Variants in ZBTB20 observed in about 807,000 individuals in gnomAD.
The protein encoded by ZBTB20 is zinc finger and BTB domain containing 20.
ZBTB20 carries 9 observed loss-of-function variants against 56.9 expected under a neutral mutation model. That is an observed-to-expected ratio of 0.16 (90% CI 0.10 to 0.28). ZBTB20 has a LOEUF of 0.28. Ranked by LOEUF, ZBTB20 falls within the 10% of genes least tolerant of loss-of-function variation. The pLI, the probability that ZBTB20 is intolerant of heterozygous loss-of-function variation, is 1.00. For synonymous variants in ZBTB20, 417 were observed against 420.7 expected, an observed-to-expected ratio of 0.99 and a Z score of 0.11; for missense variants, 655 against 1,003.0, an observed-to-expected ratio of 0.65 and a Z score of 4.69.
intron 4 of ZBTB20, among the ~76,000 whole-genome samples, chr3:114,894,033 C>A (rs118169838): frequency 6.6e-6 from 1 of 152,272 alleles, no homozygotes; most frequent in Non-Finnish European, 1.5e-5. Flanking sequence ...CTAATGACAA[C>A]AACAACAACA....
At chr3:114,614,786 C>T (rs1213366863) in intron 6 of ZBTB20, among the ~76,000 whole-genome samples, 2 of 152,060 alleles carry the variant, frequency 1.3e-5, no homozygotes, top group African/African-American at 2.4e-5. Context: ...GAGTCTTGCT[C>T]GGTCGCCCAG....
intron 5 of ZBTB20, among the ~76,000 whole-genome samples, chr3:114,763,511 A>G (rs1262833381): frequency 6.6e-6 from 1 of 152,200 alleles, no homozygotes; most frequent in Non-Finnish European, 1.5e-5. Context: ...CATAGAATAT[A>G]GAAATCCCCA....
chr3:114,458,095 A>C (rs1313766099), intron 7 of ZBTB20, among the ~76,000 whole-genome samples: 1 of 152,136 alleles, frequency 6.6e-6, no homozygotes, highest in Non-Finnish European at 1.5e-5. Flanking sequence ...GGTGCTGAAA[A>C]TGGATGAAGG....
chr3:115,001,947 T>C (rs778156196), intron 2 of ZBTB20, among the ~76,000 whole-genome samples: 1 of 151,380 alleles, frequency 6.6e-6, no homozygotes, highest in Non-Finnish European at 1.5e-5. Flanking sequence ...AAACACAATA[T>C]TGAAGAAAGA....
chr3:114,946,081 T>G (rs890461205), intron 3 of ZBTB20, among the ~76,000 whole-genome samples: 2 of 145,668 alleles, frequency 1.4e-5, no homozygotes, highest in Non-Finnish European at 3.0e-5. Flanking sequence ...AATTTTGACA[T>G]ATTTCTCTCA....
chr3:114,486,354 T>G (rs2042153345), intron 7 of ZBTB20, among the ~76,000 whole-genome samples: 1 of 151,860 alleles, frequency 6.6e-6, no homozygotes, highest in Non-Finnish European at 1.5e-5. Flanking sequence ...GATGAAAAAA[T>G]TGGTTCTTTT....
chr3:114,800,995 A>T (rs2071664026), intron 5 of ZBTB20, 106 bp downstream of exon 5: 1 of 151,920 alleles, frequency 6.6e-6, no homozygotes, highest in Non-Finnish European at 1.5e-5. Flanking sequence ...TTCTTCAGGG[A>T]CATTCAAATT....
intron 5 of ZBTB20, among the ~76,000 whole-genome samples, chr3:114,790,697 A>G (rs1487836174): frequency 2.0e-5 from 3 of 151,978 alleles, no homozygotes; most frequent in Non-Finnish European, 4.4e-5. Context: ...GGTGACCAAG[A>G]AAGAAAATCA....
At chr3:114,932,839 TC>T (rs2076403846) in intron 3 of ZBTB20, among the ~76,000 whole-genome samples, 1 of 152,148 alleles carries the variant, frequency 6.6e-6, no homozygotes, top group Non-Finnish European at 1.5e-5. Flanking sequence ...AGAGTTTGTT[TC>T]CCCCACTCTT....
intron 5 of ZBTB20, among the ~76,000 whole-genome samples, chr3:114,765,709 A>G (rs1462043205): frequency 1.3e-5 from 2 of 152,334 alleles, no homozygotes; most frequent in Non-Finnish European, 2.9e-5. Flanking sequence ...TTCAGAATAT[A>G]TTGTTTAAGA....
At position 114,588,928 on chromosome 3, in the gene ZBTB20, T is replaced by C. The variant is rs573435506; in HGVS notation, c.-294-88537A>G. On this transcript the variant is annotated intron_variant, in intron 6 of 11. Transcript: ENST00000675478. ...GGAAGCCTCAGGAAACTTACAATCA[T>C]AGCAGAAGGCACCTCTTCACCGGGC... Among the ~76,000 whole-genome samples the C allele has an allele frequency of 2.6e-5, 4 of 152,068 alleles. No homozygotes were observed. In the East Asian group the frequency reaches 5.8e-4, roughly 22 times the overall value.
At chr3:114,674,518 T>A (rs1167603981) in intron 6 of ZBTB20, among the ~76,000 whole-genome samples, 1 of 152,342 alleles carries the variant, frequency 6.6e-6, no homozygotes, top group East Asian at 1.9e-4. Context: ...GCTCTATTTT[T>A]AATTATTAAC....
At chr3:115,124,551 A>C (rs2084272197) in intron 1 of ZBTB20, among the ~76,000 whole-genome samples, 1 of 152,202 alleles carries the variant, frequency 6.6e-6, no homozygotes, top group Non-Finnish European at 1.5e-5. Context: ...AAACTCAAGA[A>C]ACAAATTGTA....
chr3:115,067,061 A>G (rs939240981), intron 2 of ZBTB20, among the ~76,000 whole-genome samples: 11 of 152,206 alleles, frequency 7.2e-5, no homozygotes, highest in African/African-American at 2.4e-4. Context: ...TAACAATAAT[A>G]ATTAGACTCT....
intron 6 of ZBTB20, among the ~76,000 whole-genome samples, chr3:114,567,376 C>T (rs1278045029): frequency 6.6e-6 from 1 of 152,164 alleles, no homozygotes; most frequent in African/African-American, 2.4e-5. Flanking sequence ...AATGCCGTTT[C>T]CTACTATAGC....
chr3:114,345,222 T>C (rs1293910865), intron 11 of ZBTB20, among the ~76,000 whole-genome samples: 1 of 152,216 alleles, frequency 6.6e-6, no homozygotes, highest in Non-Finnish European at 1.5e-5. Flanking sequence ...ATTGACCAAA[T>C]GAATGGGCAT....
chr3:114,765,985 T>C (rs2068759584), intron 5 of ZBTB20, among the ~76,000 whole-genome samples: 1 of 152,174 alleles, frequency 6.6e-6, no homozygotes, highest in African/African-American at 2.4e-5. Context: ...AAATATCAAC[T>C]TATTTTTATT....
At chr3:114,948,207 G>A (rs1440078217) in intron 3 of ZBTB20, among the ~76,000 whole-genome samples, 1 of 144,476 alleles carries the variant, frequency 6.9e-6, no homozygotes, top group African/African-American at 2.9e-5. Flanking sequence ...ATCCAGAAAT[G>A]TATGTGAATA....
At chr3:114,725,487 T>C (rs2065207331) in intron 5 of ZBTB20, among the ~76,000 whole-genome samples, 1 of 152,218 alleles carries the variant, frequency 6.6e-6, no homozygotes, top group African/African-American at 2.4e-5. Context: ...GAATAAAGTA[T>C]TTTCAAAACG....
Sources: gnomAD v4.1 joint callset for allele counts (sites outside exome capture counted in the v4.1 genomes callset) on GRCh38, gnomAD v4.1.1 for gene constraint, MANE v1.5 for transcripts, NCBI Gene and HGNC (gene_info 2026-07-23, HGNC 2026-07-21) for gene names.